APBA2: variants seen among roughly 807,000 people sequenced by gnomAD.
APBA2 encodes amyloid beta precursor protein binding family A member 2, also known as amyloid-beta A4 precursor protein-binding family A member 2.
A neutral mutation model predicts 75.0 loss-of-function variants in APBA2; 30 were observed. The observed-to-expected ratio is 0.40, with a 90% CI of 0.30 to 0.54. The LOEUF is 0.54. Ranked by LOEUF, APBA2 falls within the 20% of genes least tolerant of loss-of-function variation. The probability of loss-of-function intolerance (pLI) is 0.49; values close to 1 mark genes in which losing one functional copy is unlikely to be tolerated. For synonymous variants in APBA2, 444 were observed against 409.6 expected (o/e 1.08, Z -1.01); for missense variants, 801 against 1,016.1 (o/e 0.79, Z 2.88).
chr15:29,106,800 C>A lies in APBA2; in HGVS notation c.1898C>A (p.Thr633Asn), dbSNP rs764511552. ...GTSLVGLPLA[T>N]CQGIIKGLKN... ...AGCCTGGTGGGGCTGCCCCTCGCCA[C>A]CTGCCAAGGCATCATCAAGGTAGGC... The change falls in exon 12 of 15, where the codon ACC (threonine) becomes AAC (asparagine). Residue 633 changes from threonine to asparagine, a missense_variant. This residue lies in a region of APBA2 where 367 missense variants were observed against 544.5 expected (regional missense o/e 0.67). Transcript: ENST00000683413. The A allele has an allele frequency of 1.9e-6, 3 of 1,612,914 alleles. No homozygotes were observed. Among genetic ancestry groups the A allele is most frequent in the Non-Finnish European group, 2.5e-6 (3 of 1,179,858 alleles).
At chr15:28,984,922 T>TCTCTCTCTCTCTCTCC (rs2037833469) in intron 2 of APBA2, among the ~76,000 whole-genome samples, 1 of 151,362 alleles carries the variant, frequency 6.6e-6, no homozygotes, top group Non-Finnish European at 1.5e-5. Context: ...GCTCTCTCTC[T>TCTCTCTCTCTCTCTCC]CTCTCTCTCT....
At chr15:29,105,649 G>T (rs918898991) in intron 11 of APBA2, 91 bp downstream of exon 11, 24 of 1,396,862 alleles carry the variant, frequency 1.7e-5, no homozygotes, top group Non-Finnish European at 2.0e-5. Context: ...GGGTCCTCAC[G>T]CACACCCTTG....
chr15:28,892,057 T>A (rs2152608994), intron 1 of APBA2, among the ~76,000 whole-genome samples: 2 of 151,158 alleles, frequency 1.3e-5, no homozygotes, highest in South Asian at 4.2e-4. Flanking sequence ...CTAGATGGGG[T>A]ACTGTGTTAT....
intron 6 of APBA2, among the ~76,000 whole-genome samples, chr15:29,078,637 C>CA (rs906723579): frequency 2.4e-3 from 347 of 141,926 alleles, no homozygotes; most frequent in Non-Finnish European, 3.3e-3. Flanking sequence ...AAACAAAAAA[C>CA]AAAAAAAAAA....
chr15:29,024,802 C>G (rs1459428605), intron 3 of APBA2, among the ~76,000 whole-genome samples: 1 of 152,034 alleles, frequency 6.6e-6, no homozygotes, highest in African/African-American at 2.4e-5. Flanking sequence ...TATTCTGAGA[C>G]CCAAACTAGA....
chr15:29,068,006 T>C (rs1189049706), intron 4 of APBA2, among the ~76,000 whole-genome samples: 1 of 152,234 alleles, frequency 6.6e-6, no homozygotes, highest in Non-Finnish European at 1.5e-5. Context: ...AACCAAAGTC[T>C]AACATCGACT....
intron 6 of APBA2, among the ~76,000 whole-genome samples, chr15:29,087,661 C>T (rs1274090429): frequency 4.6e-5 from 7 of 152,200 alleles, no homozygotes; most frequent in Non-Finnish European, 8.8e-5. Flanking sequence ...CTGGAGGCCA[C>T]GCCTTAGCTC....
intron 2 of APBA2, among the ~76,000 whole-genome samples, chr15:28,924,349 C>G (rs2034142040): frequency 6.6e-6 from 1 of 152,170 alleles, no homozygotes; most frequent in Non-Finnish European, 1.5e-5. Context: ...TGGGCACCCA[C>G]TATCTGTGTC....
intron 1 of APBA2, among the ~76,000 whole-genome samples, chr15:28,891,830 G>T (rs770047586): frequency 1.8e-4 from 27 of 152,200 alleles, no homozygotes; most frequent in Non-Finnish European, 3.4e-4. Context: ...TTTGGGGAAT[G>T]ATAGCATATA....
chr15:28,927,586 A>G (rs1417980559), intron 2 of APBA2, among the ~76,000 whole-genome samples: 1 of 150,474 alleles, frequency 6.6e-6, no homozygotes, highest in South Asian at 2.1e-4. Context: ...CATTATTATT[A>G]TTTTTTTATT....
chr15:29,054,285 GCCAGGAGGC>G lies in APBA2; in HGVS notation c.402_410del (p.Cys134_Ala137delinsTrp). ...GCACACCCTGTGGACACTGATGAGT[GCCAGGAGGC>G]GGTGGAGGAGTGGACGGACTCGGCG... On this transcript the variant is annotated inframe_deletion, in exon 4 of 15. Transcript: ENST00000683413. The surrounding 1 kb of genome is among the most constrained non-coding windows in gnomAD (Gnocchi z 6.1). 6 of 1,614,152 alleles carry G rather than the reference GCCAGGAGGC, an allele frequency of 3.7e-6. No individual in the cohort carries two copies. The highest frequency in any genetic ancestry group is 4.2e-6 in the Non-Finnish European group (5 of 1,180,030).
chr15:28,921,413 G>C (rs563720684), intron 1 of APBA2, among the ~76,000 whole-genome samples: 10 of 152,158 alleles, frequency 6.6e-5, no homozygotes, highest in Non-Finnish European at 1.0e-4. Flanking sequence ...GAAGACTTGG[G>C]GGAGAATCAC....
chr15:28,924,924 A>C, intron 2 of APBA2, among the ~76,000 whole-genome samples: 1 of 152,162 alleles, frequency 6.6e-6, no homozygotes, highest in African/African-American at 2.4e-5. Flanking sequence ...AACACTTGTT[A>C]GTTTCTGTTT....
rs1555398293 is a variant in APBA2 at position 29,038,689 on chromosome 15, T to TC, written c.-40-15155dup. Among the ~76,000 whole-genome samples the TC allele has an allele frequency of 1.9e-3, 265 of 139,730 alleles. 1 individual carries two copies. The highest frequency in any genetic ancestry group is 7.3e-3 in the African/African-American group (260 of 35,544). The allele number at this position is 139,730 out of a possible 152,430, so 91.7% of individuals were successfully genotyped here. ...CATTTTTTTTTTTTTTTTTTTTTTT[T>TC]CTGAGACGAAGTCTCACTCTGTTGC... On this transcript the variant is annotated intron_variant, in intron 3 of 14. Transcript: ENST00000683413.
At chr15:29,108,585 G>A in intron 13 of APBA2, 196 bp downstream of exon 13, 1 of 810,180 alleles carries the variant, frequency 1.2e-6, no homozygotes, top group Non-Finnish European at 1.9e-6. Context: ...GAAGGGGAGG[G>A]CCAGGGCATG....
intron 3 of APBA2, among the ~76,000 whole-genome samples, chr15:29,025,721 G>A (rs555527588): frequency 3.5e-4 from 53 of 152,078 alleles, no homozygotes; most frequent in Non-Finnish European, 6.6e-4. Context: ...CGAGGCCGAG[G>A]CGGGCAGATC....
At chr15:29,107,319 G>A (rs2044475084) in intron 12 of APBA2, among the ~76,000 whole-genome samples, 1 of 152,180 alleles carries the variant, frequency 6.6e-6, no homozygotes, top group South Asian at 2.1e-4. Context: ...GGTGCTGCCT[G>A]TCGCTGTGAG....
intron 2 of APBA2, among the ~76,000 whole-genome samples, chr15:28,938,561 T>A (rs2035009968): frequency 6.6e-6 from 1 of 152,172 alleles, no homozygotes; most frequent in Admixed American, 6.5e-5. Context: ...CAGGCTGGAG[T>A]GCAGGGGTGC....
chr15:29,055,668 AGT>A (rs57671107), intron 4 of APBA2, among the ~76,000 whole-genome samples: 23,323 of 127,080 alleles, frequency 0.18, 1,931 homozygotes, highest in African/African-American at 0.24. Context: ...CATGAATTTG[AGT>A]GTGTGTGTGT....
Sources: gnomAD v4.1 joint callset for allele counts (sites outside exome capture counted in the v4.1 genomes callset) on GRCh38, gnomAD v4.1.1 for gene constraint, gnomAD v4.1.1 regional missense constraint, Gnocchi (gnomAD v3.1) non-coding constraint, MANE v1.5 for transcripts, NCBI Gene and HGNC (gene_info 2026-07-23, HGNC 2026-07-21) for gene names.